The following PRDM16 variants were observed in gnomAD, a reference collection of about 807,000 sequenced individuals.
PRDM16 encodes histone-lysine N-methyltransferase PRDM16.
In PRDM16, 23 loss-of-function variants were observed where a neutral mutation model predicts 110.6. The ratio of observed to expected loss-of-function variants is 0.21; its 90% CI spans 0.15 to 0.29. The LOEUF (loss-of-function observed/expected upper bound fraction) is 0.29, where lower values mean the gene tolerates loss of function less well. Ranked by LOEUF, PRDM16 falls within the 10% of genes least tolerant of loss-of-function variation. The pLI is 1.00. For missense variants in PRDM16, 1,615 were observed against 1,794.3 expected (o/e 0.90, Z 1.81); for synonymous variants, 799 against 781.8 (o/e 1.02, Z -0.37).
intron 3 of PRDM16, among the ~76,000 whole-genome samples, chr1:3,286,464 A>G (rs1640845746): frequency 6.6e-6 from 1 of 151,836 alleles, no homozygotes; most frequent in Non-Finnish European, 1.5e-5. Context: ...TGCTCTGCAG[A>G]CGGCAACATG....
intron 1 of PRDM16, among the ~76,000 whole-genome samples, chr1:3,142,651 C>T (rs929013303): frequency 3.3e-5 from 5 of 152,164 alleles, no homozygotes; most frequent in Non-Finnish European, 7.4e-5. Flanking sequence ...CCCCAGGGTG[C>T]GCACAGGCAA....
Position 3,176,798 on chromosome 1 carries a change from A to G in PRDM16, c.38-9327A>G, listed in dbSNP as rs1311238394. Among the ~76,000 whole-genome samples, 14 of 148,848 alleles carry G rather than the reference A, an allele frequency of 9.4e-5. 1 individual carries two copies. The highest frequency in any genetic ancestry group is 6.4e-4 in the South Asian group (3 of 4,690). On this transcript the variant is annotated intron_variant, in intron 1 of 16. Coordinates refer to ENST00000270722, the MANE Select transcript of PRDM16 (RefSeq NM_022114.4). ...CATCCCCTTATAAATCCATCCATCT[A>G]TCCACCCCTTGATTCACCCACCCAT... is the stretch of plus-strand genomic sequence containing the variant.
chr1:3,196,554 G>A (rs79122333), intron 2 of PRDM16, among the ~76,000 whole-genome samples: 2,114 of 152,318 alleles, frequency 0.014, 51 homozygotes, highest in African/African-American at 0.049. Context: ...GGGATTCTGC[G>A]GTGGCCCCAG....
chr1:3,293,923 C>T lies in PRDM16; in HGVS notation c.438+49786C>T, dbSNP rs138781669. ...GTAATCCCAGCACACTCGTGGGTGC[C>T]GGCAGTGTGTGAGTGCGTGCGTGTT... On this transcript the variant is annotated intron_variant, in intron 3 of 16. Coordinates refer to ENST00000270722, the MANE Select transcript of PRDM16 (RefSeq NM_022114.4). Among the ~76,000 whole-genome samples the T allele has an allele frequency of 5.6e-4, 86 of 152,226 alleles. 1 individual carries two copies. In the East Asian group the frequency reaches 0.014, roughly 25 times the overall value.
chr1:3,196,584 A>G (rs7520732), intron 2 of PRDM16, among the ~76,000 whole-genome samples: 46,108 of 152,078 alleles, frequency 0.3, 9,355 homozygotes, highest in African/African-American at 0.57. Context: ...GGCACCAGAG[A>G]GGGGTTCAGC....
intron 1 of PRDM16, among the ~76,000 whole-genome samples, chr1:3,085,574 CCT>C: frequency 6.6e-6 from 1 of 152,370 alleles, no homozygotes; most frequent in East Asian, 1.9e-4. Flanking sequence ...TCCTCCTGGG[CCT>C]CTCTGAGCCC....
At chr1:3,158,073 C>T (rs577083091) in intron 1 of PRDM16, among the ~76,000 whole-genome samples, 1 of 152,354 alleles carries the variant, frequency 6.6e-6, no homozygotes, top group South Asian at 2.1e-4. Flanking sequence ...CCTGTGCATG[C>T]ATCATATAGA....
rs147905188 is a variant in PRDM16 at position 3,098,944 on chromosome 1, G to A, written c.37+29648G>A. 4.8e-3 allele frequency among the ~76,000 whole-genome samples: 724 copies of A among 152,336 alleles called. 13 individuals are homozygous for A. The highest frequency in any genetic ancestry group is 5.8e-3 in the Non-Finnish European group (395 of 68,028). On this transcript the variant is annotated intron_variant, in intron 1 of 16. Coordinates refer to ENST00000270722, the MANE Select transcript of PRDM16 (RefSeq NM_022114.4). Reference sequence around the variant, plus strand: ...CGGCAAATGCTGCTTCTCAGTGCCCGTTGAGTGGCTGAGCGGCCTCACTGA... The same window carrying A: ...CGGCAAATGCTGCTTCTCAGTGCCCATTGAGTGGCTGAGCGGCCTCACTGA...
chr1:3,287,689 G>T (rs77480801), intron 3 of PRDM16, among the ~76,000 whole-genome samples: 1 of 106,288 alleles, frequency 9.4e-6, no homozygotes, highest in Admixed American at 8.6e-5. Flanking sequence ...ATTTACCGGG[G>T]CTGGAACCGC....
intron 3 of PRDM16, among the ~76,000 whole-genome samples, chr1:3,383,674 G>A (rs1643145070): frequency 6.6e-6 from 1 of 152,106 alleles, no homozygotes; most frequent in South Asian, 2.1e-4. Flanking sequence ...GGCCCGAAAT[G>A]GCTAGGAACC....
chr1:3,115,704 G>A lies in PRDM16; in HGVS notation c.37+46408G>A, dbSNP rs531400435. Among the ~76,000 whole-genome samples the A allele has an allele frequency of 1.4e-4, 22 of 152,320 alleles. No homozygotes were observed. The South Asian group carries it at 3.1e-3, about 21-fold the overall frequency. ...ACCGGGGGCTGCCGCTGGCCTGGGC[G>A]TCTAGCCCTTGGCCTGCAGTCCTGC... is the stretch of plus-strand genomic sequence containing the variant. On this transcript the variant is annotated intron_variant, in intron 1 of 16. Coordinates refer to ENST00000270722, the MANE Select transcript of PRDM16 (RefSeq NM_022114.4).
intron 3 of PRDM16, among the ~76,000 whole-genome samples, chr1:3,285,311 C>A (rs1375854034): frequency 6.6e-6 from 1 of 152,218 alleles, no homozygotes; most frequent in Non-Finnish European, 1.5e-5. Flanking sequence ...ATTACCTCTC[C>A]AGGTGTGGCT....
intron 10 of PRDM16, 125 bp downstream of exon 10, chr1:3,414,772 C>T (rs773190410): frequency 7.5e-5 from 53 of 703,838 alleles, no homozygotes; most frequent in Middle Eastern, 2.9e-4. Context: ...CACGCACAGA[C>T]GCCCTCAAAG....
At chr1:3,178,769 G>A (rs1189451689) in intron 1 of PRDM16, among the ~76,000 whole-genome samples, 3 of 152,106 alleles carry the variant, frequency 2.0e-5, no homozygotes, top group African/African-American at 4.8e-5. Flanking sequence ...CTGAAGCACC[G>A]ATTGCCTGCA....
chr1:3,212,008 T>C (rs1352790069), intron 2 of PRDM16, among the ~76,000 whole-genome samples: 1 of 152,204 alleles, frequency 6.6e-6, no homozygotes, highest in Non-Finnish European at 1.5e-5. Context: ...GGGCGAGTTC[T>C]CCGGGTGGAT....
At chr1:3,294,972 C>G (rs531395795) in intron 3 of PRDM16, among the ~76,000 whole-genome samples, 2 of 152,334 alleles carry the variant, frequency 1.3e-5, no homozygotes, top group South Asian at 2.1e-4. Context: ...CATCTTCCCC[C>G]GCCTGGTCAC....
intron 1 of PRDM16, among the ~76,000 whole-genome samples, chr1:3,078,270 G>T (rs796341794): frequency 7.9e-5 from 12 of 152,168 alleles, no homozygotes; most frequent in African/African-American, 2.9e-4. Flanking sequence ...CATGCTAGGG[G>T]CCCACCTGGA....
intron 1 of PRDM16, among the ~76,000 whole-genome samples, chr1:3,114,625 A>AC (rs1642912766): frequency 6.6e-6 from 1 of 151,800 alleles, no homozygotes; most frequent in African/African-American, 2.4e-5. Flanking sequence ...TACACACATG[A>AC]ACACACACAT....
In PRDM16 at chr1:3,412,026, C is replaced by T. The variant is rs1231085914; in HGVS notation, c.1829C>T (p.Thr610Ile). Residue 610 changes from threonine to isoleucine, a missense_variant, in exon 9 of 17, where the codon ACC becomes ATC. Thr to Ile is a moderately conservative substitution (Grantham distance 89). This residue lies in a region of PRDM16 where 772 missense variants were observed against 748.3 expected (regional missense o/e 1.03). Coordinates refer to ENST00000270722, the MANE Select transcript of PRDM16 (RefSeq NM_022114.4). ...AGTGACTTTGAGGACGTCAACACCA[C>T]CACGGGGACCGACCTGGACACGACC... ...DGSDFEDVNT[T>I]TGTDLDTTTG... 6.2e-7 allele frequency: 1 copy of T among 1,613,270 alleles called. No homozygotes were observed. Among genetic ancestry groups the T allele is most frequent in the Admixed American group, 1.7e-5 (1 of 60,006 alleles).
Sources: gnomAD v4.1 joint callset for allele counts (sites outside exome capture counted in the v4.1 genomes callset) on GRCh38, gnomAD v4.1.1 for gene constraint, gnomAD v4.1.1 regional missense constraint, MANE v1.5 for transcripts, NCBI Gene and HGNC (gene_info 2026-07-23, HGNC 2026-07-21) for gene names.